PDE1A: variants seen among roughly 807,000 people sequenced by gnomAD.
PDE1A encodes dual specificity calcium/calmodulin-dependent 3',5'-cyclic nucleotide phosphodiesterase 1A.
PDE1A carries 35 observed loss-of-function variants against 61.7 expected under a neutral mutation model. That is an observed-to-expected ratio of 0.57 (90% CI 0.43 to 0.75). The LOEUF (loss-of-function observed/expected upper bound fraction) is 0.75. Among genes scored for constraint, PDE1A ranks in the 30% least tolerant of loss-of-function variants. The pLI is 0.00. For missense variants in PDE1A, 597 were observed against 630.6 expected (o/e 0.95, Z 0.57); for synonymous variants, 232 against 213.2 (o/e 1.09, Z -0.77).
chr2:182,425,919 A>G (rs1004242121), intron 1 of PDE1A, among the ~76,000 whole-genome samples: 1 of 152,178 alleles, frequency 6.6e-6, no homozygotes, highest in African/African-American at 2.4e-5. Flanking sequence ...TAGGTAACTA[A>G]AGAATCCAGA....
At chr2:182,196,985 T>C (rs1359972798) in intron 10 of PDE1A, among the ~76,000 whole-genome samples, 1 of 151,898 alleles carries the variant, frequency 6.6e-6, no homozygotes, top group African/African-American at 2.4e-5. Context: ...TTAACTTCAG[T>C]AGATGATATC....
In PDE1A at chr2:182,289,481, T is replaced by C. The variant is rs572102429; in HGVS notation, c.54-25067A>G. ...GCCAGAACAAGTTAAATAACATGGATATAAATATTTTAACTAGGGCTAGAC... is the reference window on the plus strand; with the variant it reads ...GCCAGAACAAGTTAAATAACATGGACATAAATATTTTAACTAGGGCTAGAC... On this transcript the variant is annotated intron_variant, in intron 1 of 13. Coordinates refer to ENST00000351439, the Ensembl canonical transcript of PDE1A. Among the ~76,000 whole-genome samples the C allele has an allele frequency of 2.1e-3, 317 of 152,220 alleles. 2 individuals are homozygous for C. The highest frequency in any genetic ancestry group is 3.6e-3 in the Non-Finnish European group (243 of 68,010).
chr2:182,562,882 C>T, the PDE1A span, among the ~76,000 whole-genome samples: 4 of 152,160 alleles, frequency 2.6e-5, no homozygotes, highest in African/African-American at 9.7e-5. Flanking sequence ...GTTTGTATTT[C>T]TGTGGGATCA....
At chr2:182,497,771 G>A (rs1186448745) in intron 2 of PDE1A, among the ~76,000 whole-genome samples, 6 of 151,988 alleles carry the variant, frequency 3.9e-5, no homozygotes, top group South Asian at 2.1e-4. Flanking sequence ...GGCAGGGCGC[G>A]GTGGCTCACG....
the PDE1A span, among the ~76,000 whole-genome samples, chr2:182,552,334 C>G: frequency 6.6e-6 from 1 of 151,998 alleles, no homozygotes; most frequent in South Asian, 2.1e-4. Context: ...TTCACATGCT[C>G]TTCCTTGACA....
chr2:182,588,841 C>G, the PDE1A span, among the ~76,000 whole-genome samples: 4 of 151,974 alleles, frequency 2.6e-5, no homozygotes, highest in African/African-American at 9.7e-5. Flanking sequence ...GTCAGGAGTT[C>G]AAGGCCAGCT....
At chr2:182,434,718 C>T (rs1704124911) in intron 2 of PDE1A, among the ~76,000 whole-genome samples, 1 of 151,938 alleles carries the variant, frequency 6.6e-6, no homozygotes, top group Non-Finnish European at 1.5e-5. Flanking sequence ...CTGAGAATCA[C>T]TTTGAAAATG....
In PDE1A at chr2:182,380,530, A is replaced by G. The variant is rs968064900; in HGVS notation, c.53+46048T>C. Among the ~76,000 whole-genome samples, 8 of 152,308 alleles carry G rather than the reference A, an allele frequency of 5.3e-5. No individual in the cohort carries two copies. In the South Asian group the frequency reaches 1.0e-3, roughly 20 times the overall value. On this transcript the variant is annotated intron_variant, in intron 1 of 13. Coordinates refer to ENST00000351439, the Ensembl canonical transcript of PDE1A. ...TCTGGTTCGTTTTGAGAAGAATGGT[A>G]TATGTGCTAATTTTATAACAAATAA...
At position 182,380,400 on chromosome 2, in the gene PDE1A, C is replaced by T. The variant is rs1294258465; in HGVS notation, c.53+46178G>A. ...GTGCTGGGATTACAGGCGTGAGCCA[C>T]CGCACCCAGCCCCAGCTCCTCTTTA... On this transcript the variant is annotated intron_variant, in intron 1 of 13. Transcript: ENST00000351439. Among the ~76,000 whole-genome samples, 3 of 151,688 alleles carry T rather than the reference C, an allele frequency of 2.0e-5. No homozygotes were observed. In the East Asian group the frequency reaches 5.8e-4, roughly 29 times the overall value.
the PDE1A span, among the ~76,000 whole-genome samples, chr2:182,622,016 A>C: frequency 6.6e-6 from 1 of 152,230 alleles, no homozygotes; most frequent in South Asian, 2.1e-4. Flanking sequence ...AAACTACAGA[A>C]CATTATAGAC....
At chr2:182,263,075 A>G (rs1388643007) in intron 2 of PDE1A, among the ~76,000 whole-genome samples, 1 of 152,008 alleles carries the variant, frequency 6.6e-6, no homozygotes, top group South Asian at 2.1e-4. Context: ...AACATTGCTC[A>G]TCTTCCCCAA....
intron 2 of PDE1A, among the ~76,000 whole-genome samples, chr2:182,505,319 C>A (rs1049016431): frequency 2.0e-5 from 3 of 152,220 alleles, no homozygotes; most frequent in African/African-American, 7.2e-5. Flanking sequence ...GTGTTTAAAT[C>A]TCTTCTGCCT....
the PDE1A span, among the ~76,000 whole-genome samples, chr2:182,706,315 T>C: frequency 1.3e-5 from 2 of 152,222 alleles, no homozygotes; most frequent in African/African-American, 2.4e-5. Context: ...TAGCCTGAAG[T>C]TGAAATTTGA....
At chr2:182,245,955 A>T (rs79588593) in intron 2 of PDE1A, among the ~76,000 whole-genome samples, 22,802 of 152,210 alleles carry the variant, frequency 0.15, 2,204 homozygotes, top group East Asian at 0.31. Flanking sequence ...GCCAGAGGCC[A>T]AGCTGCCATC....
intron 2 of PDE1A, among the ~76,000 whole-genome samples, chr2:182,467,994 C>T (rs1478813255): frequency 6.6e-6 from 1 of 151,924 alleles, no homozygotes; most frequent in South Asian, 2.1e-4. Flanking sequence ...TTTAAAAATT[C>T]TTTATTGCTA....
At chr2:182,693,978 T>C in the PDE1A span, among the ~76,000 whole-genome samples, 1 of 152,192 alleles carries the variant, frequency 6.6e-6, no homozygotes, top group Non-Finnish European at 1.5e-5. Context: ...AACAAAGCTG[T>C]TTAATTCTGA....
the PDE1A span, among the ~76,000 whole-genome samples, chr2:182,662,955 A>G: frequency 6.6e-6 from 1 of 152,218 alleles, no homozygotes; most frequent in Non-Finnish European, 1.5e-5. Context: ...AATATCCAGC[A>G]ACTATAAGGA....
At chr2:182,662,640 A>G in the PDE1A span, among the ~76,000 whole-genome samples, 2 of 152,188 alleles carry the variant, frequency 1.3e-5, no homozygotes, top group Admixed American at 1.3e-4. Context: ...AGCTATATGC[A>G]GGAGATTGAA....
At chr2:182,490,346 G>A (rs1349951369) in intron 2 of PDE1A, among the ~76,000 whole-genome samples, 1 of 152,100 alleles carries the variant, frequency 6.6e-6, no homozygotes, top group Non-Finnish European at 1.5e-5. Flanking sequence ...GGATGACATA[G>A]GTTAAAAGAT....
Sources: gnomAD v4.1 joint callset for allele counts (sites outside exome capture counted in the v4.1 genomes callset) on GRCh38, gnomAD v4.1.1 for gene constraint, MANE v1.5 for transcripts, NCBI Gene and HGNC (gene_info 2026-07-23, HGNC 2026-07-21) for gene names.